The following KLHL29 variants were observed in gnomAD, a reference collection of about 807,000 sequenced individuals.
The protein encoded by KLHL29 is kelch-like protein 29.
In KLHL29, 21 loss-of-function variants were observed where a neutral mutation model predicts 80.4. The ratio of observed to expected loss-of-function variants is 0.26; its 90% CI spans 0.19 to 0.38. The LOEUF (loss-of-function observed/expected upper bound fraction) is 0.38, where lower values mean the gene tolerates loss of function less well. Among genes scored for constraint, KLHL29 ranks in the 10% least tolerant of loss-of-function variants. The probability of loss-of-function intolerance (pLI) is 1.00; values close to 1 mark genes in which losing one functional copy is unlikely to be tolerated. For synonymous variants in KLHL29, 511 were observed against 526.8 expected (o/e 0.97, Z 0.41); for missense variants, 867 against 1,223.9 (o/e 0.71, Z 4.35).
chr2:23,703,203 A>G lies in KLHL29; in HGVS notation c.2123A>G (p.Asn708Ser), dbSNP rs1376057762. 1.4e-6 allele frequency: 2 copies of G among 1,460,800 alleles called. No individual in the cohort carries two copies. Among genetic ancestry groups the G allele is most frequent in the Non-Finnish European group, 1.8e-6 (2 of 1,102,432 alleles). 90.5% of individuals were successfully genotyped at this position (1,460,800 alleles called of 1,614,324 possible). The change falls in exon 12 of 14, where the codon AAC (asparagine) becomes AGC (serine). Residue 708 changes from asparagine (N) to serine (S), a missense_variant. Physicochemically the swap from Asn to Ser is conservative, Grantham distance 46 (BLOSUM62 1). This residue lies in a region of KLHL29 where 443 missense variants were observed against 767.0 expected (regional missense o/e 0.58). Coordinates refer to ENST00000486442, the MANE Select transcript of KLHL29 (RefSeq NM_052920.2). ...TCCTGCAGGTACGACACCATCACCA[A>G]CCAATGGGAGGCGGTGGCCCCTCTG... ...DHVERYDTIT[N>S]QWEAVAPLPK...
chr2:23,411,200 AG>A (rs1468482921), intron 1 of KLHL29, among the ~76,000 whole-genome samples: 1 of 152,140 alleles, frequency 6.6e-6, no homozygotes, highest in African/African-American at 2.4e-5. Flanking sequence ...AGGCCAGGTG[AG>A]GGAGGGGCAG....
intron 5 of KLHL29, among the ~76,000 whole-genome samples, chr2:23,651,769 G>A (rs1670094242): frequency 6.6e-6 from 1 of 152,178 alleles, no homozygotes; most frequent in Non-Finnish European, 1.5e-5. Flanking sequence ...AGGCAGGGTT[G>A]GCTTCTGGTG....
chr2:23,469,311 A>G (rs1037249425), intron 1 of KLHL29, among the ~76,000 whole-genome samples: 1 of 152,132 alleles, frequency 6.6e-6, no homozygotes, highest in Non-Finnish European at 1.5e-5. Context: ...TGTGTTGCTC[A>G]ACACCCGCAC....
chr2:23,569,397 C>G (rs1667663502), intron 3 of KLHL29, among the ~76,000 whole-genome samples: 1 of 152,318 alleles, frequency 6.6e-6, no homozygotes, highest in African/African-American at 2.4e-5. Flanking sequence ...AGAAGGGCCT[C>G]TTCTTAAATT....
At chr2:23,654,160 C>G (rs1420253482) in intron 5 of KLHL29, among the ~76,000 whole-genome samples, 1 of 151,510 alleles carries the variant, frequency 6.6e-6, no homozygotes, top group African/African-American at 2.4e-5. Context: ...GAGTGAGACT[C>G]TGTCTCAAAA....
At chr2:23,388,940 C>T (rs556186763) in intron 1 of KLHL29, among the ~76,000 whole-genome samples, 1 of 149,522 alleles carries the variant, frequency 6.7e-6, no homozygotes, top group Admixed American at 6.6e-5. Flanking sequence ...TAAAGTTTTT[C>T]CTTCCTTCCT....
chr2:23,682,095 T>TA lies in KLHL29; in HGVS notation c.941-2303dup, dbSNP rs1488686180. Among the ~76,000 whole-genome samples the TA allele has an allele frequency of 8.5e-5, 13 of 152,196 alleles. No individual in the cohort carries two copies. Among genetic ancestry groups the TA allele is most frequent in the Admixed American group, 6.5e-5 (1 of 15,290 alleles). ...ACCACCATCCCCTCCAAAAACCTGT[T>TA]AGTGGTCTCCATGCCTCCCCCTCCC... On this transcript the variant is annotated intron_variant, in intron 5 of 13. Transcript: ENST00000486442. The surrounding 1 kb of genome is among the most constrained non-coding windows in gnomAD (Gnocchi z 4.1).
intron 5 of KLHL29, among the ~76,000 whole-genome samples, chr2:23,677,702 C>T (rs937957729): frequency 3.9e-5 from 6 of 152,202 alleles, no homozygotes; most frequent in South Asian, 2.1e-4. Context: ...GGAGCAGCAG[C>T]GGGACGTTCT....
At chr2:23,615,066 C>T (rs759124587) in intron 3 of KLHL29, among the ~76,000 whole-genome samples, 7 of 152,236 alleles carry the variant, frequency 4.6e-5, no homozygotes, top group Admixed American at 1.3e-4. Flanking sequence ...CTTCCTTTCA[C>T]AGCTCGGCGC....
At chr2:23,414,710 A>G (rs867551874) in intron 1 of KLHL29, among the ~76,000 whole-genome samples, 5 of 152,226 alleles carry the variant, frequency 3.3e-5, no homozygotes, top group Non-Finnish European at 4.4e-5. Context: ...GGGGGAAGCC[A>G]CATAGCATAG....
At chr2:23,403,761 G>A (rs1344577919) in intron 1 of KLHL29, among the ~76,000 whole-genome samples, 20 of 151,530 alleles carry the variant, frequency 1.3e-4, no homozygotes, top group African/African-American at 4.6e-4. Flanking sequence ...GTGTGTGTGT[G>A]TGTGCAGGCG....
intron 1 of KLHL29, among the ~76,000 whole-genome samples, chr2:23,400,959 A>G (rs1666585719): frequency 6.6e-6 from 1 of 152,222 alleles, no homozygotes; most frequent in Non-Finnish European, 1.5e-5. Context: ...GCTACCTCAT[A>G]TGATAGCATC....
chr2:23,581,399 T>G (rs1667976857), intron 3 of KLHL29, among the ~76,000 whole-genome samples: 1 of 152,232 alleles, frequency 6.6e-6, no homozygotes, highest in African/African-American at 2.4e-5. Flanking sequence ...AGGATGAACC[T>G]CTGGGAAGGC....
chr2:23,432,744 C>T (rs1273916640), intron 1 of KLHL29, among the ~76,000 whole-genome samples: 2 of 152,174 alleles, frequency 1.3e-5, no homozygotes, highest in African/African-American at 2.4e-5. Context: ...GGTGCTGAGG[C>T]AGGAGGGGCT....
intron 2 of KLHL29, among the ~76,000 whole-genome samples, chr2:23,505,600 C>T (rs1285169057): frequency 6.6e-6 from 1 of 152,226 alleles, no homozygotes; most frequent in African/African-American, 2.4e-5. Flanking sequence ...CCTCTCAAAG[C>T]CCCCACCCAG....
At chr2:23,512,691 A>G (rs372596076) in intron 2 of KLHL29, among the ~76,000 whole-genome samples, 1 of 152,176 alleles carries the variant, frequency 6.6e-6, no homozygotes, top group East Asian at 1.9e-4. Context: ...ATCGTGATCT[A>G]TATAGCTCAG....
At chr2:23,611,937 CT>C (rs1487030214) in intron 3 of KLHL29, among the ~76,000 whole-genome samples, 2 of 148,954 alleles carry the variant, frequency 1.3e-5, no homozygotes, top group East Asian at 3.9e-4. Context: ...AAAAATCCAC[CT>C]TAAGTAAAGA....
intron 2 of KLHL29, among the ~76,000 whole-genome samples, chr2:23,509,575 T>C (rs1665709447): frequency 6.6e-6 from 1 of 152,068 alleles, no homozygotes; most frequent in Non-Finnish European, 1.5e-5. Flanking sequence ...AAAAAATGAA[T>C]TACTGAATGC....
chr2:23,641,461 G>T (rs967988241), intron 4 of KLHL29, among the ~76,000 whole-genome samples: 1 of 152,272 alleles, frequency 6.6e-6, no homozygotes, highest in East Asian at 1.9e-4. Context: ...TCACCTGAGG[G>T]CCCAGTGAAC....
Sources: gnomAD v4.1 joint callset for allele counts (sites outside exome capture counted in the v4.1 genomes callset) on GRCh38, gnomAD v4.1.1 for gene constraint, gnomAD v4.1.1 regional missense constraint, Gnocchi (gnomAD v3.1) non-coding constraint, MANE v1.5 for transcripts, NCBI Gene and HGNC (gene_info 2026-07-23, HGNC 2026-07-21) for gene names.